SMG5: variants seen among roughly 807,000 people sequenced by gnomAD.
SMG5 encodes SMG5 nonsense mediated mRNA decay factor.
In SMG5, 53 loss-of-function variants were observed where a neutral mutation model predicts 122.9. The ratio of observed to expected loss-of-function variants is 0.43; its 90% CI spans 0.35 to 0.54. The LOEUF is 0.54. SMG5 is among the 20% of genes least tolerant of loss of function. The probability of loss-of-function intolerance (pLI) is 0.01; values close to 1 mark genes in which losing one functional copy is unlikely to be tolerated. For synonymous variants in SMG5, 477 were observed against 490.2 expected (o/e 0.97, Z 0.35); for missense variants, 1,153 against 1,285.6 (o/e 0.90, Z 1.58).
intron 7 of SMG5, among the ~76,000 whole-genome samples, chr1:156,271,964 T>C (rs1662457068): frequency 1.3e-5 from 2 of 152,138 alleles, no homozygotes; most frequent in South Asian, 4.1e-4. Context: ...TGCTGGTCCT[T>C]CCACGTATAT....
the SMG5 span, chr1:156,290,012 G>A: frequency 6.6e-6 from 1 of 152,134 alleles, no homozygotes; most frequent in Non-Finnish European, 1.5e-5. Context: ...GTGTGATCTT[G>A]GACCAGTCTT....
intron 7 of SMG5, among the ~76,000 whole-genome samples, chr1:156,270,407 G>C (rs1373241276): frequency 6.6e-6 from 1 of 152,198 alleles, no homozygotes; most frequent in Non-Finnish European, 1.5e-5. Flanking sequence ...ACAGAGGAGA[G>C]GGGCCAAATG....
chr1:156,272,482 A>G (rs1397140012), intron 6 of SMG5, 84 bp from the exon 7 acceptor site: 8 of 1,144,124 alleles, frequency 7.0e-6, no homozygotes, highest in East Asian at 5.1e-5. Flanking sequence ...AGCATCAGAG[A>G]ACCTGTAGGG....
Position 156,249,913 on chromosome 1 carries a change from G to A in SMG5, c.*674C>T, listed in dbSNP as rs772312188. ...CTCCCTGCCCTGGAAGCTAGACAGA[G>A]GGAGACACAAAGCAGAAGTGGGGCA... On this transcript the variant is annotated 3_prime_UTR_variant, in exon 22 of 22. Transcript: ENST00000361813. 6.4e-6 allele frequency: 3 copies of A among 471,112 alleles called. No homozygotes were observed. The highest frequency in any genetic ancestry group is 6.0e-5 in the African/African-American group (3 of 50,096). The allele number at this position is 471,112 out of a possible 1,614,324, so 29.2% of individuals were successfully genotyped here. A position where few individuals can be genotyped will look rare whatever the true frequency, so the allele number is the denominator to read the frequency against.
chr1:156,251,761 G>A (rs747745346), intron 19 of SMG5, among the ~76,000 whole-genome samples: 6 of 152,188 alleles, frequency 3.9e-5, no homozygotes, highest in Non-Finnish European at 7.3e-5. Flanking sequence ...GACAAGGTCC[G>A]AACAATCAGA....
chr1:156,262,213 C>T (rs930967068), intron 13 of SMG5, among the ~76,000 whole-genome samples: 1 of 151,930 alleles, frequency 6.6e-6, no homozygotes, highest in African/African-American at 2.4e-5. Flanking sequence ...AAGAAGAAAG[C>T]AGGCCGGGCG....
At chr1:156,285,971 C>T (rs1322901404), upstream of SMG5, 5 of 1,606,248 alleles carry the variant, frequency 3.1e-6, no homozygotes, top group African/African-American at 4.0e-5. Flanking sequence ...TGCCACCTTC[C>T]CCATTGTGCT....
rs562102615 is a variant in SMG5, at chr1:156,266,148, G to A, written c.1488C>T (p.Gly496=). 5.0e-6 allele frequency: 8 copies of A among 1,614,188 alleles called. No individual in the cohort carries two copies. Among genetic ancestry groups the A allele is most frequent in the Middle Eastern group, 1.6e-4 (1 of 6,062 alleles). Residue 496 remains glycine (G), a synonymous_variant, in exon 12 of 22, where the codon GGC becomes GGT. Coordinates refer to ENST00000361813, the MANE Select transcript of SMG5 (RefSeq NM_015327.3). The part of the protein sequence containing the change: ...SARASEGSDS[G]SDKSLEGGGT... Reference sequence around the variant, plus strand: ...CCCCACCTTCAAGACTCTTGTCAGAGCCACTGTCTGAGCCCTCACTGGCCC... The same window carrying A: ...CCCCACCTTCAAGACTCTTGTCAGAACCACTGTCTGAGCCCTCACTGGCCC...
intron 12 of SMG5, among the ~76,000 whole-genome samples, chr1:156,264,886 C>T (rs946786875): frequency 6.6e-6 from 1 of 151,986 alleles, no homozygotes; most frequent in African/African-American, 2.4e-5. Flanking sequence ...ATTAGCCGGG[C>T]ATGGTGGTGC....
At position 156,278,061 on chromosome 1, in the gene SMG5, G is replaced by C. The variant is rs1272598137; in HGVS notation, c.174-13C>G. The stretch of plus-strand genomic sequence containing the variant: ...GAGCTCACGCAGCCTGGAGGGTGTA[G>C]AGGAGCATGAGAGAGACAGCCCATC... On this transcript the variant is annotated splice_polypyrimidine_tract_variant and intron_variant, in intron 2 of 21. Transcript: ENST00000361813. 1 of 1,613,500 alleles carries C rather than the reference G, an allele frequency of 6.2e-7. No homozygotes were observed. The highest frequency in any genetic ancestry group is 1.3e-5 in the African/African-American group (1 of 75,014).
intron 13 of SMG5, among the ~76,000 whole-genome samples, 199 bp from the exon 14 acceptor site, chr1:156,261,607 G>T (rs1661842444): frequency 6.6e-6 from 1 of 152,160 alleles, no homozygotes; most frequent in African/African-American, 2.4e-5. Flanking sequence ...AGCTGGGCTG[G>T]CTGGGCACGG....
intron 16 of SMG5, among the ~76,000 whole-genome samples, chr1:156,256,691 C>T (rs919966819): frequency 6.6e-6 from 1 of 152,020 alleles, no homozygotes; most frequent in Non-Finnish European, 1.5e-5. Flanking sequence ...AGATGTAGGC[C>T]TACGCGTTCC....
In SMG5 at chr1:156,266,135, G is replaced by A; in HGVS notation, c.1501C>T (p.Leu501Phe). 2 of 1,614,240 alleles carry A rather than the reference G, an allele frequency of 1.2e-6. No homozygotes were observed. The highest frequency in any genetic ancestry group is 1.7e-6 in the Non-Finnish European group (2 of 1,180,044). The change falls in exon 12 of 22, where the codon CTT becomes TTT. Residue 501 changes from leucine to phenylalanine, a missense_variant. Coordinates refer to ENST00000361813, the MANE Select transcript of SMG5 (RefSeq NM_015327.3). Reference sequence around the variant, plus strand: ...TCAAAGGCCGTTCCCCCACCTTCAAGACTCTTGTCAGAGCCACTGTCTGAG... The same window carrying A: ...TCAAAGGCCGTTCCCCCACCTTCAAAACTCTTGTCAGAGCCACTGTCTGAG... ...EGSDSGSDKS[L>F]EGGGTAFDAE... is the part of the protein sequence containing the mutation.
rs1558240076 is a variant in SMG5, at chr1:156,267,546, A to G, written c.1041T>C (p.Tyr347=). 3 of 1,614,146 alleles carry G rather than the reference A, an allele frequency of 1.9e-6. No individual in the cohort carries two copies. Among genetic ancestry groups the G allele is most frequent in the East Asian group, 2.2e-5 (1 of 44,886 alleles). The change falls in exon 10 of 22, where the codon TAT becomes TAC. Residue 347 remains tyrosine (Y), a synonymous_variant. Transcript: ENST00000361813. ...AGATGAGAAGGTCCGGGAGGAAAGC[A>G]TATCCACTCTCATACTCCTCCTCAT... ...SEDEEEYESG[Y]AFLPDLLIFQ...
chr1:156,254,675 G>A (rs908220188), intron 16 of SMG5, among the ~76,000 whole-genome samples: 2 of 152,080 alleles, frequency 1.3e-5, no homozygotes, highest in African/African-American at 4.8e-5. Flanking sequence ...AACTCCTGAG[G>A]CTCAAGCAAT....
upstream of SMG5, chr1:156,282,908 A>C: frequency 3.8e-6 from 2 of 529,908 alleles, no homozygotes; most frequent in South Asian, 2.6e-5. Flanking sequence ...ATCTCGCGAA[A>C]CTCGTTTTCC....
At chr1:156,284,887 C>G (rs1030737613), upstream of SMG5, among the ~76,000 whole-genome samples, 1 of 152,160 alleles carries the variant, frequency 6.6e-6, no homozygotes, top group Non-Finnish European at 1.5e-5. Flanking sequence ...GGTGGAGGGG[C>G]ATAGAAGGCG....
At chr1:156,291,282 A>G in the SMG5 span, 1 of 1,019,642 alleles carries the variant, frequency 9.8e-7, no homozygotes. Context: ...ATACCCACCA[A>G]CTGCATCTGC....
At chr1:156,253,632 G>C in intron 16 of SMG5, 124 bp from the exon 17 acceptor site, 1 of 835,738 alleles carries the variant, frequency 1.2e-6, no homozygotes, top group East Asian at 2.5e-5. Context: ...CTCTAGCACT[G>C]CTGCTGAATG....
Sources: allele counts gnomAD v4.1 joint callset (sites outside exome capture counted in the v4.1 genomes callset), GRCh38; gene constraint gnomAD v4.1.1; transcripts MANE v1.5; gene names NCBI Gene and HGNC (gene_info 2026-07-23, HGNC 2026-07-21).